XXYLT1: variants seen among roughly 807,000 people sequenced by gnomAD.
XXYLT1 encodes xyloside xylosyltransferase 1.
In XXYLT1, 20 loss-of-function variants were observed where a neutral mutation model predicts 28.9. The observed-to-expected ratio is 0.69, with a 90% CI of 0.49 to 1.00. XXYLT1 has a LOEUF of 1.00. Among genes scored for constraint, XXYLT1 ranks in the 50% least tolerant of loss-of-function variants. The probability of loss-of-function intolerance (pLI) is 0.00; values close to 1 mark genes in which losing one functional copy is unlikely to be tolerated. For missense variants in XXYLT1, 542 were observed against 560.1 expected (o/e 0.97, Z 0.33); for synonymous variants, 257 against 253.8 (o/e 1.01, Z -0.12).
intron 3 of XXYLT1, among the ~76,000 whole-genome samples, chr3:195,126,865 G>T (rs1349618046): frequency 6.6e-6 from 1 of 152,180 alleles, no homozygotes; most frequent in Non-Finnish European, 1.5e-5. Context: ...CTGGTAGGAG[G>T]TGATTTGATT....
At chr3:195,199,525 G>A (rs1722764266) in intron 2 of XXYLT1, among the ~76,000 whole-genome samples, 1 of 152,060 alleles carries the variant, frequency 6.6e-6, no homozygotes, top group Non-Finnish European at 1.5e-5. Flanking sequence ...GCAGCAGAAT[G>A]GCGTGAACCC....
At chr3:195,231,752 A>ATTT (rs34130895) in intron 1 of XXYLT1, among the ~76,000 whole-genome samples, 2 of 143,244 alleles carry the variant, frequency 1.4e-5, no homozygotes, top group African/African-American at 5.1e-5. Flanking sequence ...ATGATGAATG[A>ATTT]TTTTTTTTTT....
At chr3:195,260,521 C>T (rs1725660664) in intron 1 of XXYLT1, among the ~76,000 whole-genome samples, 1 of 152,358 alleles carries the variant, frequency 6.6e-6, no homozygotes, top group South Asian at 2.1e-4. Context: ...TCCCGGAGGT[C>T]GGACTGCATC....
At chr3:195,184,526 T>G (rs1257426753) in intron 2 of XXYLT1, 2 of 786,106 alleles carry the variant, frequency 2.5e-6, no homozygotes, top group Non-Finnish European at 3.1e-6. Context: ...TACCTCAGAC[T>G]ATCTTAATAA....
At chr3:195,158,636 G>A (rs1025406362) in intron 2 of XXYLT1, among the ~76,000 whole-genome samples, 4 of 152,190 alleles carry the variant, frequency 2.6e-5, no homozygotes, top group Admixed American at 6.5e-5. Context: ...GGAGACAGGC[G>A]GCAACTCCAG....
chr3:195,145,264 T>C (rs1214683659), intron 3 of XXYLT1, among the ~76,000 whole-genome samples: 1 of 99,856 alleles, frequency 1.0e-5, no homozygotes, highest in African/African-American at 4.8e-5. Flanking sequence ...GAAGATCAAG[T>C]GGAAGCCACG....
At chr3:195,102,922 C>T (rs1682129330) in intron 3 of XXYLT1, among the ~76,000 whole-genome samples, 1 of 152,174 alleles carries the variant, frequency 6.6e-6, no homozygotes, top group Admixed American at 6.5e-5. Context: ...AACCTACATT[C>T]CTACCAACGG....
intron 3 of XXYLT1, among the ~76,000 whole-genome samples, chr3:195,075,971 G>A (rs565245692): frequency 1.1e-4 from 16 of 152,150 alleles, no homozygotes; most frequent in Admixed American, 2.6e-4. Flanking sequence ...GCCCCACAGA[G>A]ACCCTGTGGG....
intron 1 of XXYLT1, among the ~76,000 whole-genome samples, chr3:195,261,223 A>G (rs1725689794): frequency 6.6e-6 from 1 of 152,092 alleles, no homozygotes; most frequent in South Asian, 2.1e-4. Context: ...ACCTGAGGTC[A>G]GGAGTTCGAG....
At position 195,267,611 on chromosome 3, in the gene XXYLT1, G is replaced by A. The variant is rs764513272; in HGVS notation, c.504+2944C>T. Among the ~76,000 whole-genome samples the A allele has an allele frequency of 3.3e-5, 5 of 152,292 alleles. No homozygotes were observed. In the South Asian group the frequency reaches 6.2e-4, roughly 19 times the overall value. On this transcript the variant is annotated intron_variant, in intron 1 of 3. Transcript: ENST00000310380. ...GCTAGGGAGGCAGCATTTAAGACAC[G>A]TCAATGTCAGTGCCCTTAAGGAGTT...
chr3:195,155,762 C>T (rs938687311), intron 3 of XXYLT1, among the ~76,000 whole-genome samples: 2 of 151,914 alleles, frequency 1.3e-5, no homozygotes, highest in African/African-American at 4.8e-5. Context: ...AGTTTGGTTT[C>T]GCTCTCGTCG....
At chr3:195,220,263 TC>T (rs1416553397) in intron 2 of XXYLT1, among the ~76,000 whole-genome samples, 1 of 152,156 alleles carries the variant, frequency 6.6e-6, no homozygotes, top group African/African-American at 2.4e-5. Flanking sequence ...CGCCTCAGCC[TC>T]CCAAGTAGCT....
intron 3 of XXYLT1, among the ~76,000 whole-genome samples, chr3:195,099,597 G>A (rs1007718400): frequency 6.6e-6 from 1 of 152,248 alleles, no homozygotes; most frequent in Non-Finnish European, 1.5e-5. Flanking sequence ...TTGGGAGGCC[G>A]AGGCGGGTGG....
At chr3:195,072,440 G>C (rs773615703) in intron 3 of XXYLT1, among the ~76,000 whole-genome samples, 128 of 152,298 alleles carry the variant, frequency 8.4e-4, no homozygotes, top group Non-Finnish European at 1.3e-3. Context: ...GCAAGGAGGA[G>C]CAAACAGTGA....
At chr3:195,224,882 C>A (rs772058744) in intron 2 of XXYLT1, among the ~76,000 whole-genome samples, 18 of 152,220 alleles carry the variant, frequency 1.2e-4, no homozygotes, top group Non-Finnish European at 2.1e-4. Context: ...TAGGCACATA[C>A]GTGGCTAATG....
At chr3:195,246,613 G>A (rs1208901530) in intron 1 of XXYLT1, among the ~76,000 whole-genome samples, 1 of 152,214 alleles carries the variant, frequency 6.6e-6, no homozygotes, top group African/African-American at 2.4e-5. Context: ...AGAGGCAGAG[G>A]GGGTGAGCCC....
chr3:195,214,908 G>C (rs1021374834), intron 2 of XXYLT1: 3 of 152,120 alleles, frequency 2.0e-5, no homozygotes, highest in Non-Finnish European at 4.4e-5. Flanking sequence ...AAAATGTTAA[G>C]GGCAGCCAGA....
intron 3 of XXYLT1, among the ~76,000 whole-genome samples, chr3:195,122,917 G>A (rs1334088147): frequency 6.6e-6 from 1 of 152,208 alleles, no homozygotes; most frequent in African/African-American, 2.4e-5. Context: ...CAGCTGGAAA[G>A]GACCAGGTGC....
intron 2 of XXYLT1, chr3:195,214,780 A>G (rs1314528581): frequency 1.3e-5 from 2 of 152,216 alleles, no homozygotes; most frequent in Non-Finnish European, 1.5e-5. Flanking sequence ...TTAAACATTG[A>G]TTACTGGTGC....
Sources: allele counts gnomAD v4.1 joint callset (sites outside exome capture counted in the v4.1 genomes callset), GRCh38; gene constraint gnomAD v4.1.1; transcripts MANE v1.5; gene names NCBI Gene and HGNC (gene_info 2026-07-23, HGNC 2026-07-21).